MAP7D3: variants seen among roughly 807,000 people sequenced by gnomAD.
MAP7D3 encodes the protein MAP7 domain containing 3.
Under a neutral mutation model 62.2 loss-of-function variants are expected in MAP7D3, and 45 were observed. That is an observed-to-expected ratio of 0.72 (90% CI 0.57 to 0.93). MAP7D3 has a LOEUF of 0.93. Ranked by LOEUF, MAP7D3 falls within the 40% of genes least tolerant of loss-of-function variation. The pLI, the probability that MAP7D3 is intolerant of heterozygous loss-of-function variation, is 0.00. For synonymous variants in MAP7D3, 288 were observed against 248.8 expected (o/e 1.16, Z -1.48); for missense variants, 711 against 683.1 (o/e 1.04, Z -0.45).
chrX:136,222,805 C>T (rs897518493), intron 14 of MAP7D3, among the ~76,000 whole-genome samples: 2 of 107,338 alleles, frequency 1.9e-5, no homozygotes, highest in African/African-American at 6.8e-5. Flanking sequence ...TGGGACTAGT[C>T]AGTGAATAGC....
intron 1 of MAP7D3, among the ~76,000 whole-genome samples, chrX:136,247,945 G>C (rs1353584291): frequency 8.9e-6 from 1 of 112,248 alleles, no homozygotes; most frequent in African/African-American, 3.2e-5. Flanking sequence ...GGCCCAGAGT[G>C]GTGGCTCATG....
At chrX:136,237,419 G>A (rs1157852483) in intron 6 of MAP7D3, among the ~76,000 whole-genome samples, 1 of 112,032 alleles carries the variant, frequency 8.9e-6, no homozygotes, top group East Asian at 2.8e-4. Flanking sequence ...AAATATTACA[G>A]GTTAGATTAT....
upstream of MAP7D3, chrX:136,251,431 T>C: frequency 1.3e-6 from 1 of 796,214 alleles, no homozygotes. Flanking sequence ...TCCGCTTGGG[T>C]CGTGGCCGGG....
intron 6 of MAP7D3, among the ~76,000 whole-genome samples, chrX:136,239,101 C>G (rs1184502960): frequency 8.9e-6 from 1 of 111,990 alleles, no homozygotes; most frequent in Admixed American, 9.5e-5. Flanking sequence ...TTTTTCCTCT[C>G]AAGAACATTC....
chrX:136,253,533 A>G (rs1199086984), upstream of MAP7D3, among the ~76,000 whole-genome samples: 1 of 112,459 alleles, frequency 8.9e-6, no homozygotes, highest in Non-Finnish European at 1.9e-5. Context: ...ACCACATGCA[A>G]TGTATGATCC....
At chrX:136,249,923 T>C (rs1464456519) in intron 1 of MAP7D3, among the ~76,000 whole-genome samples, 3 of 112,409 alleles carry the variant, frequency 2.7e-5, no homozygotes, top group Non-Finnish European at 3.8e-5. Flanking sequence ...ATCTGTCCCA[T>C]ATATAATTTT....
rs2074077587 is a variant in MAP7D3, at chrX:136,217,829, G to T, written c.*697C>A. On this transcript the variant is annotated 3_prime_UTR_variant, in exon 19 of 19. Coordinates refer to ENST00000316077, the MANE Select transcript of MAP7D3 (RefSeq NM_024597.4). ...AACACTTTGGGAGGCCAAGACGGGTGGATCTCTTGAGGCCAGGATTTCGAG... is the reference window on the plus strand; with the variant it reads ...AACACTTTGGGAGGCCAAGACGGGTTGATCTCTTGAGGCCAGGATTTCGAG... The T allele has an allele frequency of 1.8e-5, 2 of 111,029 alleles. No individual in the cohort carries two copies. Among genetic ancestry groups the T allele is most frequent in the Non-Finnish European group, 3.8e-5 (2 of 52,956 alleles). 9.2% of individuals were successfully genotyped at this position (111,029 alleles called of 1,213,427 possible).
chrX:136,254,670 A>G (rs1416053386), upstream of MAP7D3, among the ~76,000 whole-genome samples: 1 of 110,632 alleles, frequency 9.0e-6, no homozygotes, highest in African/African-American at 3.3e-5. Context: ...GTGATCAGAG[A>G]AGTCTTTGTG....
In MAP7D3 at chrX:136,231,585, T is replaced by G. The variant is rs769399621; in HGVS notation, c.1372A>C (p.Met458Leu). ...ASPKTSLEAS[M>L]EASPKAKARD... Reference sequence around the variant, plus strand: ...GCTTTTGCCTTGGGAGATGCTTCCATGCTTGCTTCAAGGGATGTCTTGGGG... The same window carrying G: ...GCTTTTGCCTTGGGAGATGCTTCCAGGCTTGCTTCAAGGGATGTCTTGGGG... The change falls in exon 8 of 19, where the codon ATG becomes CTG. Residue 458 changes from methionine (M) to leucine (L), a missense_variant. Met to Leu is a conservative substitution (Grantham distance 15, BLOSUM62 2). Coordinates refer to ENST00000316077, the MANE Select transcript of MAP7D3 (RefSeq NM_024597.4). The G allele has an allele frequency of 1.7e-6, 2 of 1,208,668 alleles. No individual in the cohort carries two copies. Among genetic ancestry groups the G allele is most frequent in the Non-Finnish European group, 2.2e-6 (2 of 894,639 alleles).
At chrX:136,223,101 C>G (rs2074150545) in intron 14 of MAP7D3, among the ~76,000 whole-genome samples, 1 of 111,409 alleles carries the variant, frequency 9.0e-6, no homozygotes, top group African/African-American at 3.3e-5. Context: ...CTTGGCCTCC[C>G]AAAGTGCTGG....
At chrX:136,251,658 C>T (rs2074516062), upstream of MAP7D3, 3 of 441,672 alleles carry the variant, frequency 6.8e-6, no homozygotes, top group African/African-American at 2.6e-5. Flanking sequence ...AGCTTGGCCC[C>T]CCCAACATTC....
intron 13 of MAP7D3, 26 bp from the exon 14 acceptor site, chrX:136,224,906 A>C: frequency 1.0e-6 from 1 of 999,991 alleles, no homozygotes; most frequent in South Asian, 2.0e-5. Flanking sequence ...TAAAAATTCA[A>C]ACATGAAAAC....
At chrX:136,247,972 T>C (rs2074466757) in intron 1 of MAP7D3, among the ~76,000 whole-genome samples, 1 of 112,091 alleles carries the variant, frequency 8.9e-6, no homozygotes, top group South Asian at 3.7e-4. Context: ...ATCCCAGCAC[T>C]TTGGGAGGCC....
chrX:136,219,673 T>C lies in MAP7D3; in HGVS notation c.2487-2A>G, dbSNP rs778593069. 4 of 1,194,954 alleles carry C rather than the reference T, an allele frequency of 3.3e-6. No homozygotes were observed. Among genetic ancestry groups the C allele is most frequent in the Non-Finnish European group, 3.4e-6 (3 of 881,028 alleles). On this transcript the variant is annotated splice_acceptor_variant, in intron 16 of 18. Coordinates refer to ENST00000316077, the MANE Select transcript of MAP7D3 (RefSeq NM_024597.4). LOFTEE classifies it high-confidence loss of function. The stretch of plus-strand genomic sequence containing the variant: ...CTGGTCATTCTTTTGGAAGATGGTC[T>C]GGAAAGAGACAGTTTGGTTAGAATC...
At chrX:136,222,621 CCT>C (rs1214232286) in intron 14 of MAP7D3, 135 bp from the exon 15 acceptor site, 1 of 485,040 alleles carries the variant, frequency 2.1e-6, no homozygotes, top group Non-Finnish European at 3.4e-6. Flanking sequence ...AAAAATATAA[CCT>C]CTTTTAACTG....
intron 6 of MAP7D3, among the ~76,000 whole-genome samples, chrX:136,239,684 A>C (rs1031339301): frequency 8.9e-6 from 1 of 112,572 alleles, no homozygotes; most frequent in African/African-American, 3.2e-5. Context: ...TTATTTTTCT[A>C]AAATGAGGTA....
chrX:136,241,228 G>T lies in MAP7D3; in HGVS notation c.467C>A (p.Ala156Asp), dbSNP rs2074386052. 6.8e-6 allele frequency: 8 copies of T among 1,184,763 alleles called. No homozygotes were observed. Among genetic ancestry groups the T allele is most frequent in the Non-Finnish European group, 9.1e-6 (8 of 879,996 alleles). ...CCATCTTTTTTGCTGATAATCATCA[G>T]CAAGTCTCCTCCGTTCCAAAGTACG... The part of the protein sequence containing the change: ...LYRTLERRRL[A>D]DDYQQKRWSW... Residue 156 changes from alanine to aspartate, a missense_variant, in exon 5 of 19, where the codon GCT (alanine) becomes GAT (aspartate). Coordinates refer to ENST00000316077, the MANE Select transcript of MAP7D3 (RefSeq NM_024597.4).
At position 136,230,974 on chromosome X, in the gene MAP7D3, G is replaced by C; in HGVS notation, c.1414-8C>G. ...TTTGTCCATTTCTGATTTCTGAACA[G>C]ATAAACACAGTATGGTAAATTACTA... On this transcript the variant is annotated splice_region_variant and splice_polypyrimidine_tract_variant and intron_variant, in intron 8 of 18. Coordinates refer to ENST00000316077, the MANE Select transcript of MAP7D3 (RefSeq NM_024597.4). 2 of 1,159,440 alleles carry C rather than the reference G, an allele frequency of 1.7e-6. No individual in the cohort carries two copies. The highest frequency in any genetic ancestry group is 2.3e-6 in the Non-Finnish European group (2 of 862,681).
At chrX:136,237,979 G>A (rs2074348820) in intron 6 of MAP7D3, among the ~76,000 whole-genome samples, 1 of 108,801 alleles carries the variant, frequency 9.2e-6, no homozygotes, top group Non-Finnish European at 1.9e-5. Context: ...TGCATTGTTT[G>A]GTTTTTTGTC....
Sources: allele counts gnomAD v4.1 joint callset (sites outside exome capture counted in the v4.1 genomes callset), GRCh38; gene constraint gnomAD v4.1.1; transcripts MANE v1.5; gene names NCBI Gene and HGNC (gene_info 2026-07-23, HGNC 2026-07-21).